Variants in LTF observed in about 807,000 individuals in gnomAD.
LTF encodes the protein lactotransferrin, also known as epididymis luminal protein 110.
A neutral mutation model predicts 87.2 loss-of-function variants in LTF; 91 were observed. The observed-to-expected ratio is 1.04, with a 90% CI of 0.88 to 1.24. The LOEUF (loss-of-function observed/expected upper bound fraction) is 1.24. Among genes scored for constraint, LTF ranks in the 50% most tolerant of loss-of-function variants. The pLI is 0.00. For synonymous variants in LTF, 378 were observed against 356.1 expected (o/e 1.06, Z -0.69); for missense variants, 901 against 904.3 (o/e 1.00, Z 0.05).
rs972368438 is a variant in LTF at position 46,472,402 on chromosome 3, G to A, written c.-319-1936C>T. 4.6e-5 allele frequency among the ~76,000 whole-genome samples: 7 copies of A among 151,406 alleles called. No homozygotes were observed. The East Asian group carries it at 5.8e-4, about 13-fold the overall frequency. On this transcript the variant is annotated intron_variant, in intron 1 of 19. Transcript: ENST00000443496. ...ACAGGGAGCAAGATGCCCCTTTTTCGTGATCAACCTAGCAAAACTTCATCC... is the reference window on the plus strand; with the variant it reads ...ACAGGGAGCAAGATGCCCCTTTTTCATGATCAACCTAGCAAAACTTCATCC...
At chr3:46,455,674 G>T in intron 4 of LTF, 122 bp downstream of exon 4, 2 of 1,250,642 alleles carry the variant, frequency 1.6e-6, no homozygotes, top group Non-Finnish European at 2.2e-6. Flanking sequence ...TTACAAGCTG[G>T]CCAGCCTCAC....
intron 1 of LTF, among the ~76,000 whole-genome samples, chr3:46,482,792 A>G (rs553886195): frequency 7.6e-6 from 1 of 131,614 alleles, no homozygotes; most frequent in African/African-American, 2.6e-5. Flanking sequence ...AGAAAGAAAG[A>G]AAGAAGGAAG....
upstream of LTF, among the ~76,000 whole-genome samples, chr3:46,468,755 T>C (rs983077715): frequency 1.3e-5 from 2 of 152,232 alleles, no homozygotes; most frequent in Admixed American, 1.3e-4. Flanking sequence ...ATGGGAGACC[T>C]TGGGCCCTGT....
chr3:46,442,078 TAAG>T (rs1316731598), intron 13 of LTF, among the ~76,000 whole-genome samples: 3 of 151,158 alleles, frequency 2.0e-5, no homozygotes, highest in African/African-American at 7.3e-5. Context: ...ATTAAGCAAA[TAAG>T]AAAAGACATT....
intron 13 of LTF, 127 bp from the exon 14 acceptor site, chr3:46,441,610 A>G: frequency 1.4e-6 from 1 of 701,398 alleles, no homozygotes; most frequent in South Asian, 1.8e-5. Context: ...AACTATTTCT[A>G]GGAATTTACT....
At position 46,455,927 on chromosome 3, in the gene LTF, A is replaced by C. The variant is rs574153279; in HGVS notation, c.368T>G (p.Phe123Cys). 4 of 1,612,386 alleles carry C rather than the reference A, an allele frequency of 2.5e-6. No homozygotes were observed. The African/African-American group carries it at 4.0e-5, about 16-fold the overall frequency. The change falls in exon 4 of 17, where the codon TTT (phenylalanine) becomes TGT (cysteine). Residue 123 changes from phenylalanine (F) to cysteine (C), a missense_variant. Transcript: ENST00000231751. ...AVAVVKKGGS[F>C]QLNELQGLKS... Reference sequence around the variant, plus strand: ...CAGACCTTGCAGTTCGTTCAGCTGAAAGCTGCCGCCCTTCTTCACCACAGC... The same window carrying C: ...CAGACCTTGCAGTTCGTTCAGCTGACAGCTGCCGCCCTTCTTCACCACAGC...
chr3:46,481,711 A>G (rs1482898568), intron 1 of LTF, among the ~76,000 whole-genome samples: 1 of 152,212 alleles, frequency 6.6e-6, no homozygotes, highest in Non-Finnish European at 1.5e-5. Flanking sequence ...AGATTGTGCC[A>G]TTGCACTCCA....
At chr3:46,468,506 G>A (rs1314140894), upstream of LTF, among the ~76,000 whole-genome samples, 4 of 152,112 alleles carry the variant, frequency 2.6e-5, no homozygotes, top group Admixed American at 2.6e-4. Flanking sequence ...ACTCCTCCAG[G>A]GAGCCTTTAC....
chr3:46,465,404 C>T (rs1458968147), upstream of LTF, among the ~76,000 whole-genome samples: 1 of 152,180 alleles, frequency 6.6e-6, no homozygotes, highest in Non-Finnish European at 1.5e-5. Flanking sequence ...CTAGGGACAG[C>T]TGACAGAGAA....
chr3:46,482,681 AAGGAAGGAAGGAAGGAAGGAAG>A (rs1274192845), intron 1 of LTF, among the ~76,000 whole-genome samples: 2 of 121,762 alleles, frequency 1.6e-5, no homozygotes, highest in African/African-American at 6.6e-5. Flanking sequence ...GGAAGGAAGG[AAGGAAGGAAGGAAGGAAGGAAG>A]GAAAGAAAGA....
At chr3:46,466,611 C>T (rs144426274), upstream of LTF, among the ~76,000 whole-genome samples, 241 of 152,296 alleles carry the variant, frequency 1.6e-3, no homozygotes, top group South Asian at 8.7e-3. Context: ...TCATGCTTGC[C>T]TGCCATGAGA....
intron 8 of LTF, 45 bp from the exon 9 acceptor site, chr3:46,449,062 C>T (rs1332127698): frequency 6.4e-7 from 1 of 1,559,726 alleles, no homozygotes. Context: ...CTGAGCTTTG[C>T]CAGGTTGTCC....
At chr3:46,452,117 A>G (rs929913497) in intron 6 of LTF, among the ~76,000 whole-genome samples, 1 of 152,258 alleles carries the variant, frequency 6.6e-6, no homozygotes, top group Non-Finnish European at 1.5e-5. Flanking sequence ...TGATATCGTC[A>G]TCTACAAAAA....
At chr3:46,449,682 T>G (rs926549569) in intron 8 of LTF, among the ~76,000 whole-genome samples, 172 bp downstream of exon 8, 9 of 152,224 alleles carry the variant, frequency 5.9e-5, no homozygotes, top group Non-Finnish European at 1.2e-4. Flanking sequence ...GGCCAGACTA[T>G]TCTTTTAGAG....
intron 1 of LTF, among the ~76,000 whole-genome samples, chr3:46,461,787 G>A (rs1021639476): frequency 6.6e-6 from 1 of 152,080 alleles, no homozygotes; most frequent in Non-Finnish European, 1.5e-5. Context: ...TATGGAAAAT[G>A]TACCTCAGTA....
At chr3:46,459,222 A>T (rs59278682) in intron 2 of LTF, among the ~76,000 whole-genome samples, 18,171 of 152,260 alleles carry the variant, frequency 0.12, 1,300 homozygotes, top group Admixed American at 0.21. Context: ...TCTAACACCC[A>T]GCACCCTGGC....
chr3:46,438,131 TG>T lies in LTF; in HGVS notation c.1909-3del. The T allele has an allele frequency of 6.2e-7, 1 of 1,612,586 alleles. No homozygotes were observed. Among genetic ancestry groups the T allele is most frequent in the Non-Finnish European group, 8.5e-7 (1 of 1,179,276 alleles). Reference sequence around the variant, plus strand: ...AGATCCATTTCTCCCAAATTTAGCCTGCGACAAAAGGGCAGACAGTGAGTAG... The same window carrying T: ...AGATCCATTTCTCCCAAATTTAGCCTCGACAAAAGGGCAGACAGTGAGTAG... On this transcript the variant is annotated splice_polypyrimidine_tract_variant and splice_region_variant and intron_variant, in intron 15 of 16. Coordinates refer to ENST00000231751, the MANE Select transcript of LTF (RefSeq NM_002343.6).
At chr3:46,455,593 A>C (rs1044848708) in intron 4 of LTF, 151 bp from the exon 5 acceptor site, 95 of 1,128,438 alleles carry the variant, frequency 8.4e-5, no homozygotes, top group Non-Finnish European at 1.1e-4. Flanking sequence ...CGAGACATGC[A>C]CCTCTGCCGA....
rs1702539218 is a variant in LTF at position 46,442,183 on chromosome 3, T to A, written c.1656-700A>T. ...ACAGTCATAAGTACTGAATATGACATTAGCGTGTTGGGTGCTGAAGAGAGT... is the reference window on the plus strand; with the variant it reads ...ACAGTCATAAGTACTGAATATGACAATAGCGTGTTGGGTGCTGAAGAGAGT... On this transcript the variant is annotated intron_variant, in intron 13 of 16. Coordinates refer to ENST00000231751, the MANE Select transcript of LTF (RefSeq NM_002343.6). Among the ~76,000 whole-genome samples, 5 of 152,102 alleles carry A rather than the reference T, an allele frequency of 3.3e-5. No homozygotes were observed. The South Asian group carries it at 1.0e-3, about 31-fold the overall frequency.
Sources: gnomAD v4.1 joint callset for allele counts (sites outside exome capture counted in the v4.1 genomes callset) on GRCh38, gnomAD v4.1.1 for gene constraint, MANE v1.5 for transcripts, NCBI Gene and HGNC (gene_info 2026-07-23, HGNC 2026-07-21) for gene names.